MAPT: variants seen among roughly 807,000 people sequenced by gnomAD.
The protein encoded by MAPT is microtubule associated protein tau, also known as microtubule-associated protein tau.
MAPT carries 34 observed loss-of-function variants against 67.9 expected under a neutral mutation model. That is an observed-to-expected ratio of 0.50 (90% confidence interval 0.38 to 0.67). The LOEUF (loss-of-function observed/expected upper bound fraction) is 0.67. Among genes scored for constraint, MAPT ranks in the 30% least tolerant of loss-of-function variants. MAPT has a pLI of 0.00. For synonymous variants in MAPT, 456 were observed against 464.5 expected (o/e 0.98, Z 0.23); for missense variants, 881 against 1,115.2 (o/e 0.79, Z 2.99).
intron 1 of MAPT, among the ~76,000 whole-genome samples, chr17:45,916,381 A>G (rs1414504338): frequency 1.3e-5 from 2 of 152,094 alleles, no homozygotes; most frequent in Admixed American, 6.5e-5. Context: ...TTAATTAAGG[A>G]TCACTCTGCT....
intron 1 of MAPT, among the ~76,000 whole-genome samples, chr17:45,946,620 A>ATATATATATATATT (rs2068539368): frequency 1.6e-5 from 1 of 62,502 alleles, no homozygotes; most frequent in Non-Finnish European, 3.6e-5. Flanking sequence ...AAAAAAATAT[A>ATATATATATATATT]TATATATATA....
Position 45,991,453 on chromosome 17 carries a change from T to C in MAPT, c.1606-7T>C. On this transcript the variant is annotated splice_polypyrimidine_tract_variant and splice_region_variant and intron_variant, in intron 7 of 12. Transcript: ENST00000262410. ...TGAAAAACCCCTCTATCATGTTTCA[T>C]TTACAGGGGGCTGATGGTAAAACGA... is the stretch of plus-strand genomic sequence containing the variant. 1 of 1,614,168 alleles carries C rather than the reference T, an allele frequency of 6.2e-7. No individual in the cohort carries two copies. The highest frequency in any genetic ancestry group is 8.5e-7 in the Non-Finnish European group (1 of 1,180,030).
Position 45,894,596 on chromosome 17 carries a change from C to G in MAPT, c.-108C>G, listed in dbSNP as rs1219147295. On this transcript the variant is annotated 5_prime_UTR_variant, in exon 1 of 13. Transcript: ENST00000262410. Reference sequence around the variant, plus strand: ...CCAGCTCCGGCACCAACAGCAGCGCCGCTGCCACCGCCCACCTTCTGCCGC... The same window carrying G: ...CCAGCTCCGGCACCAACAGCAGCGCGGCTGCCACCGCCCACCTTCTGCCGC... 6.5e-6 allele frequency: 1 copy of G among 154,664 alleles called. No individual in the cohort carries two copies. The highest frequency in any genetic ancestry group is 2.4e-5 in the African/African-American group (1 of 41,490). The allele number at this position is 154,664 out of a possible 1,614,324, so 9.6% of individuals were successfully genotyped here.
At chr17:45,918,220 G>T (rs2065377253) in intron 1 of MAPT, among the ~76,000 whole-genome samples, 1 of 152,234 alleles carries the variant, frequency 6.6e-6, no homozygotes, top group Non-Finnish European at 1.5e-5. Flanking sequence ...TGGCTGGTCT[G>T]TTCTTGGCCA....
intron 1 of MAPT, among the ~76,000 whole-genome samples, chr17:45,957,111 C>G (rs2069824642): frequency 6.6e-6 from 1 of 151,982 alleles, no homozygotes; most frequent in Admixed American, 6.6e-5. Flanking sequence ...GGTTATATAC[C>G]CAGTAATGAG....
At chr17:45,904,065 ATTATATAT>A (rs1371573912) in intron 1 of MAPT, among the ~76,000 whole-genome samples, 1 of 34,496 alleles carries the variant, frequency 2.9e-5, no homozygotes, top group Admixed American at 6.0e-4. Context: ...TATATTATAT[ATTATATAT>A]TTATATATTA....
intron 1 of MAPT, among the ~76,000 whole-genome samples, chr17:45,924,495 A>G (rs1480286724): frequency 6.6e-6 from 1 of 152,148 alleles, no homozygotes; most frequent in Admixed American, 6.6e-5. Flanking sequence ...AGGCAAACAA[A>G]ACAGAAAACA....
chr17:45,996,597 A>G lies in MAPT; in HGVS notation c.1931A>G (p.Asp644Gly). 3 of 1,613,868 alleles carry G rather than the reference A, an allele frequency of 1.9e-6. No individual in the cohort carries two copies. The highest frequency in any genetic ancestry group is 2.5e-6 in the Non-Finnish European group (3 of 1,179,928). ...RLQTAPVPMP[D>G]LKNVKSKIGS... is the part of the protein sequence containing the mutation. ...CAGACAGCCCCCGTGCCCATGCCAG[A>G]CCTGAAGAATGTCAAGTCCAAGATC... Residue 644 changes from aspartate (D) to glycine (G), a missense_variant, in exon 9 of 13, where the codon GAC becomes GGC. By Grantham distance (94) the Asp-to-Gly change is moderately conservative. Around this residue, in one of 6 missense-constraint regions of MAPT, gnomAD observed 45 missense variants for 43.2 expected, o/e 1.04. Transcript: ENST00000262410. The surrounding 1 kb of genome is among the most constrained non-coding windows in gnomAD (Gnocchi z 4.5).
chr17:45,983,792 G>A lies in MAPT; in HGVS notation c.1213G>A (p.Ala405Thr). 3 of 1,613,802 alleles carry A rather than the reference G, an allele frequency of 1.9e-6. No individual in the cohort carries two copies. The highest frequency in any genetic ancestry group is 2.5e-6 in the Non-Finnish European group (3 of 1,179,936). Residue 405 changes from alanine (A) to threonine (T), a missense_variant, in exon 5 of 13, where the codon GCC becomes ACC. By Grantham distance (58) the Ala-to-Thr change is moderately conservative. Transcript: ENST00000262410. Reference sequence around the variant, plus strand: ...TTTGGGAAGGGCTGCATTTCCAGGGGCCCCTGGAGAGGGGCCAGAGGCCCG... The same window carrying A: ...TTTGGGAAGGGCTGCATTTCCAGGGACCCCTGGAGAGGGGCCAGAGGCCCG... ...EHLGRAAFPG[A>T]PGEGPEARGP...
At chr17:46,008,475 A>G (rs545126441) in intron 9 of MAPT, among the ~76,000 whole-genome samples, 2 of 152,346 alleles carry the variant, frequency 1.3e-5, no homozygotes, top group South Asian at 4.1e-4. Flanking sequence ...GTAGTTATAT[A>G]TAAATGAGAC....
At position 45,983,499 on chromosome 17, in the gene MAPT, C is replaced by G. The variant is rs563636373; in HGVS notation, c.920C>G (p.Ser307Cys). Residue 307 changes from serine (S) to cysteine (C), a missense_variant, in exon 5 of 13, where the codon TCC becomes TGC. Physicochemically the swap from Ser to Cys is moderately radical, Grantham distance 112. Around this residue, in one of 6 missense-constraint regions of MAPT, gnomAD observed 687 missense variants for 766.1 expected, o/e 0.90. Coordinates refer to ENST00000262410, the MANE Select transcript of MAPT (RefSeq NM_001377265.1). ...RDVDESSPQD[S>C]PPSKASPAQD... The stretch of plus-strand genomic sequence containing the variant: ...GTCGATGAGTCCTCCCCCCAAGACT[C>G]CCCTCCCTCCAAGGCCTCCCCAGCC... 38 of 1,612,002 alleles carry G rather than the reference C, an allele frequency of 2.4e-5. No homozygotes were observed. Among genetic ancestry groups the G allele is most frequent in the Non-Finnish European group, 3.1e-5 (36 of 1,179,392 alleles).
intron 6 of MAPT, among the ~76,000 whole-genome samples, chr17:45,988,808 C>A (rs1028930384): frequency 6.6e-6 from 1 of 151,990 alleles, no homozygotes. Flanking sequence ...TCACTTGAAC[C>A]CAAAGGGTGG....
chr17:46,019,392 A>G (rs2146164673), intron 12 of MAPT, among the ~76,000 whole-genome samples: 1 of 152,254 alleles, frequency 6.6e-6, no homozygotes, highest in African/African-American at 2.4e-5. Flanking sequence ...AAACCATATC[A>G]GTCTCCCTCT....
intron 2 of MAPT, among the ~76,000 whole-genome samples, chr17:45,962,922 CA>C (rs55672513): frequency 6.0e-4 from 85 of 141,708 alleles, no homozygotes; most frequent in African/African-American, 2.1e-3. Context: ...AAGACCCTGT[CA>C]AAAAAAAAAG....
intron 9 of MAPT, among the ~76,000 whole-genome samples, chr17:46,000,440 G>T (rs551636700): frequency 2.0e-5 from 3 of 152,180 alleles, no homozygotes; most frequent in Non-Finnish European, 2.9e-5. Context: ...AGAGATTGCA[G>T]GCAAGGAGGA....
chr17:45,986,994 A>G (rs1462134727), intron 5 of MAPT, 46 bp from the exon 6 acceptor site: 1 of 1,550,844 alleles, frequency 6.4e-7, no homozygotes, highest in Non-Finnish European at 8.9e-7. Flanking sequence ...TTCTGTGAAC[A>G]GTGAAAATGG....
At chr17:46,014,208 C>T in intron 10 of MAPT, 35 bp from the exon 11 acceptor site, 1 of 1,258,450 alleles carries the variant, frequency 7.9e-7, no homozygotes, top group Non-Finnish European at 1.2e-6. Flanking sequence ...CTCTCTCTGC[C>T]TTTCCTCTTC....
At chr17:46,021,491 G>A (rs1435666055) in intron 12 of MAPT, among the ~76,000 whole-genome samples, 1 of 152,198 alleles carries the variant, frequency 6.6e-6, no homozygotes, top group African/African-American at 2.4e-5. Flanking sequence ...TCTGGATAGG[G>A]CCTGAGCATT....
intron 1 of MAPT, chr17:45,931,743 TAC>T (rs1412086542): frequency 3.3e-5 from 5 of 152,208 alleles, no homozygotes; most frequent in Non-Finnish European, 7.3e-5. Flanking sequence ...GCAAAAATAT[TAC>T]AGTTTGTGGT....
Sources: gnomAD v4.1 joint callset for allele counts (sites outside exome capture counted in the v4.1 genomes callset) on GRCh38, gnomAD v4.1.1 for gene constraint, gnomAD v4.1.1 regional missense constraint, Gnocchi (gnomAD v3.1) non-coding constraint, MANE v1.5 for transcripts, NCBI Gene and HGNC (gene_info 2026-07-23, HGNC 2026-07-21) for gene names.